The following SORCS2 variants were observed in gnomAD, a reference collection of about 807,000 sequenced individuals.
SORCS2 encodes VPS10 domain-containing receptor SorCS2.
A neutral mutation model predicts 141.6 loss-of-function variants in SORCS2; 100 were observed. That is an observed-to-expected ratio of 0.71 (90% CI 0.60 to 0.83). The LOEUF (loss-of-function observed/expected upper bound fraction) is 0.83. SORCS2 is among the 40% of genes least tolerant of loss of function. The pLI is 0.00. For synonymous variants in SORCS2, 789 were observed against 676.9 expected (o/e 1.17, Z -2.57); for missense variants, 1,646 against 1,560.2 (o/e 1.05, Z -0.93).
intron 2 of SORCS2, chr4:7,433,928 T>TG (rs1421661387): frequency 1.9e-6 from 3 of 1,613,632 alleles, no homozygotes; most frequent in Non-Finnish European, 2.5e-6. Flanking sequence ...AGGGCATGGG[T>TG]GATCATGAGC....
At chr4:7,383,650 G>C (rs774682901) in intron 1 of SORCS2, among the ~76,000 whole-genome samples, 3 of 152,126 alleles carry the variant, frequency 2.0e-5, no homozygotes, top group Admixed American at 6.6e-5. Context: ...CAGCTTATCC[G>C]ATTACCTTTT....
chr4:7,653,968 T>C (rs1269594881), intron 4 of SORCS2, among the ~76,000 whole-genome samples, 166 bp from the exon 5 acceptor site: 1 of 152,184 alleles, frequency 6.6e-6, no homozygotes, highest in African/African-American at 2.4e-5. Context: ...CTGGAGGCGG[T>C]GGGGTTTGGT....
chr4:7,327,881 T>C (rs887120051), intron 1 of SORCS2, among the ~76,000 whole-genome samples: 2 of 151,980 alleles, frequency 1.3e-5, no homozygotes, highest in Non-Finnish European at 2.9e-5. Flanking sequence ...GCCAGGGCAT[T>C]TGATGCCTGT....
intron 1 of SORCS2, among the ~76,000 whole-genome samples, chr4:7,207,241 C>G (rs1294292280): frequency 1.3e-5 from 2 of 152,222 alleles, no homozygotes; most frequent in Non-Finnish European, 2.9e-5. Flanking sequence ...AATGTCTTTT[C>G]TTCCAATCCA....
At chr4:7,336,533 A>AATCC (rs1213872992) in intron 1 of SORCS2, among the ~76,000 whole-genome samples, 2 of 49,038 alleles carry the variant, frequency 4.1e-5, no homozygotes, top group African/African-American at 1.9e-4. Context: ...CGTGCCCAGA[A>AATCC]CAGATGGATG....
intron 3 of SORCS2, among the ~76,000 whole-genome samples, chr4:7,575,369 T>A (rs6835560): frequency 0.84 from 127,379 of 152,240 alleles, 53,658 homozygotes; most frequent in Non-Finnish European, 0.88. Flanking sequence ...TGTGAAAATT[T>A]TTGAGATCTT....
intron 2 of SORCS2, among the ~76,000 whole-genome samples, chr4:7,419,763 C>T (rs144743725): frequency 1.1e-3 from 162 of 152,308 alleles, no homozygotes; most frequent in African/African-American, 3.5e-3. Flanking sequence ...CATGCTGGGT[C>T]TGCAGGACAG....
At chr4:7,597,328 G>C (rs1281754304) in intron 3 of SORCS2, among the ~76,000 whole-genome samples, 1 of 150,670 alleles carries the variant, frequency 6.6e-6, no homozygotes, top group African/African-American at 2.4e-5. Flanking sequence ...GGAAGGGACT[G>C]TTGTAATAGG....
intron 3 of SORCS2, among the ~76,000 whole-genome samples, chr4:7,583,946 T>C (rs1362956576): frequency 6.6e-6 from 1 of 152,218 alleles, no homozygotes; most frequent in African/African-American, 2.4e-5. Flanking sequence ...CTACGTCTTA[T>C]ATGCAGCCTT....
intron 2 of SORCS2, among the ~76,000 whole-genome samples, chr4:7,499,151 C>T (rs372534315): frequency 1.6e-4 from 11 of 70,258 alleles, no homozygotes; most frequent in African/African-American, 5.0e-4. Context: ...AAATGTAGCA[C>T]GAGTATGTGC....
chr4:7,218,240 C>T (rs1367636758), intron 1 of SORCS2, among the ~76,000 whole-genome samples: 1 of 152,214 alleles, frequency 6.6e-6, no homozygotes, highest in Non-Finnish European at 1.5e-5. Context: ...TTGGCCGGCT[C>T]ACCTCCCATC....
intron 10 of SORCS2, among the ~76,000 whole-genome samples, chr4:7,683,705 G>A (rs548388952): frequency 2.6e-5 from 4 of 152,310 alleles, no homozygotes; most frequent in Admixed American, 1.3e-4. Flanking sequence ...GTGTACCATC[G>A]CACTGCCAGT....
chr4:7,463,682 ATAG>A (rs1729446063), intron 2 of SORCS2, among the ~76,000 whole-genome samples: 1 of 152,222 alleles, frequency 6.6e-6, no homozygotes, highest in Non-Finnish European at 1.5e-5. Flanking sequence ...GAATTTGGAA[ATAG>A]TAGGGAGGAA....
chr4:7,352,103 G>C (rs1720979160), intron 1 of SORCS2, among the ~76,000 whole-genome samples: 1 of 152,170 alleles, frequency 6.6e-6, no homozygotes, highest in Non-Finnish European at 1.5e-5. Context: ...AGTCAGGTGG[G>C]GTTAGTTGCT....
rs938905998 is a variant in SORCS2 at position 7,637,101 on chromosome 4, G to A, written c.649-1227G>A. 3.3e-5 allele frequency among the ~76,000 whole-genome samples: 5 copies of A among 152,170 alleles called. No individual in the cohort carries two copies. The East Asian group carries it at 7.7e-4, about 23-fold the overall frequency. On this transcript the variant is annotated intron_variant, in intron 3 of 26. Coordinates refer to ENST00000507866, the MANE Select transcript of SORCS2 (RefSeq NM_020777.3). Reference sequence around the variant, plus strand: ...TTTACGGTCTACCCTAAATCCAGATGGCTTCATCCTGAGATGCTTAGCCAC... The same window carrying A: ...TTTACGGTCTACCCTAAATCCAGATAGCTTCATCCTGAGATGCTTAGCCAC...
chr4:7,713,086 TG>T (rs915205311), intron 15 of SORCS2, among the ~76,000 whole-genome samples: 1 of 151,664 alleles, frequency 6.6e-6, no homozygotes, highest in Admixed American at 6.6e-5. Context: ...TCGGGGAGTG[TG>T]GGGCTACAGG....
chr4:7,464,931 C>G (rs1473714043), intron 2 of SORCS2, among the ~76,000 whole-genome samples: 1 of 152,226 alleles, frequency 6.6e-6, no homozygotes, highest in Non-Finnish European at 1.5e-5. Context: ...GCAGCACAGC[C>G]CGGCCTCCAC....
chr4:7,396,228 T>C lies in SORCS2; in HGVS notation c.481-60T>C, dbSNP rs553801699. ...TGGCACGGAGTGGTGTCACTGTACC[T>C]CTCTTTGAGAACCTTGGCACCCACT... On this transcript the variant is annotated intron_variant, in intron 1 of 26. Coordinates refer to ENST00000507866, the MANE Select transcript of SORCS2 (RefSeq NM_020777.3). The C allele has an allele frequency of 3.1e-5, 47 of 1,538,370 alleles. No homozygotes were observed. The Admixed American group carries it at 7.8e-4, about 26-fold the overall frequency.
intron 2 of SORCS2, among the ~76,000 whole-genome samples, chr4:7,484,646 C>T (rs1220831397): frequency 2.0e-5 from 3 of 152,214 alleles, no homozygotes; most frequent in African/African-American, 4.8e-5. Flanking sequence ...TAACCTCCTC[C>T]GTTCTGATCC....
Sources: allele counts gnomAD v4.1 joint callset (sites outside exome capture counted in the v4.1 genomes callset), GRCh38; gene constraint gnomAD v4.1.1; transcripts MANE v1.5; gene names NCBI Gene and HGNC (gene_info 2026-07-23, HGNC 2026-07-21).